Variants in SCFD2 observed in about 807,000 individuals in gnomAD.
SCFD2 encodes sec1 family domain containing 2.
SCFD2 carries 54 observed loss-of-function variants against 58.9 expected under a neutral mutation model. The ratio of observed to expected loss-of-function variants is 0.92; its 90% CI spans 0.74 to 1.15. The LOEUF is 1.15. Ranked by LOEUF, SCFD2 falls within the 50% of genes most tolerant of loss-of-function variation. The pLI, the probability that SCFD2 is intolerant of heterozygous loss-of-function variation, is 0.00. For synonymous variants in SCFD2, 321 were observed against 335.9 expected (o/e 0.96, Z 0.49); for missense variants, 805 against 836.6 (o/e 0.96, Z 0.47).
chr4:53,115,060 G>A (rs546430922), intron 5 of SCFD2, among the ~76,000 whole-genome samples: 38 of 152,076 alleles, frequency 2.5e-4, no homozygotes, highest in African/African-American at 8.7e-4. Flanking sequence ...ACACAGGAAA[G>A]GGAAAACAGA....
chr4:53,298,132 C>T (rs7698145), intron 3 of SCFD2, among the ~76,000 whole-genome samples: 108,433 of 151,912 alleles, frequency 0.71, 38,875 homozygotes, highest in Middle Eastern at 0.8. Flanking sequence ...ATGCGTGAGC[C>T]GAAGCAGGGC....
chr4:52,882,097 G>A (rs1477980086), intron 8 of SCFD2, among the ~76,000 whole-genome samples: 1 of 152,118 alleles, frequency 6.6e-6, no homozygotes, highest in Non-Finnish European at 1.5e-5. Context: ...CCAATCAAGT[G>A]CGAGACAGGG....
At chr4:52,917,974 G>A (rs1719647335) in intron 6 of SCFD2, among the ~76,000 whole-genome samples, 1 of 152,206 alleles carries the variant, frequency 6.6e-6, no homozygotes. Flanking sequence ...CACTGGGAGG[G>A]AAGGTGGGGC....
chr4:52,954,711 A>G (rs1354128191), intron 5 of SCFD2, among the ~76,000 whole-genome samples: 1 of 152,224 alleles, frequency 6.6e-6, no homozygotes, highest in Non-Finnish European at 1.5e-5. Flanking sequence ...CTGCATCAGA[A>G]TCAAAGAAAT....
At chr4:53,363,393 C>A (rs1222519349) in intron 1 of SCFD2, among the ~76,000 whole-genome samples, 1 of 151,968 alleles carries the variant, frequency 6.6e-6, no homozygotes, top group Non-Finnish European at 1.5e-5. Context: ...AAGCAGTCTG[C>A]CCCCCTCAGC....
intron 5 of SCFD2, among the ~76,000 whole-genome samples, chr4:52,973,680 T>G (rs6817431): frequency 0.02 from 2,984 of 152,292 alleles, 103 homozygotes; most frequent in African/African-American, 0.068. Flanking sequence ...GAGGCCAGCA[T>G]CATCCTGATA....
At chr4:53,093,510 A>C (rs1036225247) in intron 5 of SCFD2, among the ~76,000 whole-genome samples, 1 of 152,170 alleles carries the variant, frequency 6.6e-6, no homozygotes. Context: ...ATGTACTCAC[A>C]CATGTGTGAA....
At chr4:53,185,607 ACT>A (rs1491210087) in intron 4 of SCFD2, among the ~76,000 whole-genome samples, 1 of 152,040 alleles carries the variant, frequency 6.6e-6, no homozygotes, top group East Asian at 1.9e-4. Context: ...ATTTTTTAAA[ACT>A]CTTTTTATTA....
intron 5 of SCFD2, among the ~76,000 whole-genome samples, chr4:53,041,445 A>G (rs1300991568): frequency 2.0e-5 from 3 of 152,224 alleles, no homozygotes; most frequent in Non-Finnish European, 4.4e-5. Context: ...AAAATAAATC[A>G]ACATTACATT....
At chr4:52,932,592 T>C (rs943011535) in intron 5 of SCFD2, among the ~76,000 whole-genome samples, 2 of 152,184 alleles carry the variant, frequency 1.3e-5, no homozygotes, top group Non-Finnish European at 2.9e-5. Context: ...ATGGGATTAT[T>C]TTCTGATCTA....
chr4:52,961,206 A>G (rs1339610105), intron 5 of SCFD2, among the ~76,000 whole-genome samples: 1 of 152,170 alleles, frequency 6.6e-6, no homozygotes, highest in Non-Finnish European at 1.5e-5. Flanking sequence ...ATGGCCCATA[A>G]TCCAGATCAG....
intron 4 of SCFD2, among the ~76,000 whole-genome samples, chr4:53,246,339 C>T (rs1730071688): frequency 6.6e-6 from 1 of 152,022 alleles, no homozygotes; most frequent in African/African-American, 2.4e-5. Flanking sequence ...AACTAGAAAA[C>T]ACTATTTTAA....
chr4:53,072,399 C>CT (rs1577704464), intron 5 of SCFD2, among the ~76,000 whole-genome samples: 2 of 152,038 alleles, frequency 1.3e-5, no homozygotes, highest in Non-Finnish European at 1.5e-5. Flanking sequence ...GATAAGCAAC[C>CT]TGGAAGCTTG....
chr4:52,993,726 T>C (rs1721675704), intron 5 of SCFD2, among the ~76,000 whole-genome samples: 1 of 152,208 alleles, frequency 6.6e-6, no homozygotes. Context: ...GTTTCCAAAC[T>C]CCAATGATAA....
intron 5 of SCFD2, among the ~76,000 whole-genome samples, chr4:53,100,398 A>G (rs577592280): frequency 3.3e-5 from 5 of 152,328 alleles, no homozygotes; most frequent in African/African-American, 1.2e-4. Context: ...AATAAATTAT[A>G]CAAACAAAAA....
intron 5 of SCFD2, among the ~76,000 whole-genome samples, chr4:53,098,597 C>T (rs1284921252): frequency 6.6e-6 from 1 of 152,054 alleles, no homozygotes; most frequent in Non-Finnish European, 1.5e-5. Flanking sequence ...AGACTCACTG[C>T]TGCTTTAGAG....
chr4:53,342,533 A>G (rs754597649), intron 2 of SCFD2, among the ~76,000 whole-genome samples: 20 of 152,202 alleles, frequency 1.3e-4, no homozygotes, highest in Non-Finnish European at 2.4e-4. Context: ...CCCATTGTCA[A>G]CATTAGACAG....
At chr4:52,970,086 G>A (rs547490234) in intron 5 of SCFD2, among the ~76,000 whole-genome samples, 62 of 152,310 alleles carry the variant, frequency 4.1e-4, no homozygotes, top group Non-Finnish European at 6.5e-4. Flanking sequence ...AGCTCCCAGC[G>A]TGAGCGACAC....
chr4:52,943,001 T>C (rs1297033129), intron 5 of SCFD2, among the ~76,000 whole-genome samples: 1 of 151,606 alleles, frequency 6.6e-6, no homozygotes. Flanking sequence ...GAATTTGACT[T>C]TACCTTGATA....
Sources: gnomAD v4.1 joint callset for allele counts (sites outside exome capture counted in the v4.1 genomes callset) on GRCh38, gnomAD v4.1.1 for gene constraint, MANE v1.5 for transcripts, NCBI Gene and HGNC (gene_info 2026-07-23, HGNC 2026-07-21) for gene names.